GDPD2: variants seen among roughly 807,000 people sequenced by gnomAD.
The protein encoded by GDPD2 is glycerophosphodiester phosphodiesterase 3.
In GDPD2, 23 loss-of-function variants were observed where a neutral mutation model predicts 49.2. That is an observed-to-expected ratio of 0.47 (90% confidence interval 0.34 to 0.66). The LOEUF (loss-of-function observed/expected upper bound fraction) is 0.66. Ranked by LOEUF, GDPD2 falls within the 30% of genes least tolerant of loss-of-function variation. The pLI is 0.01. For missense variants in GDPD2, 338 were observed against 424.7 expected, an observed-to-expected ratio of 0.80 and a Z score of 1.79; for synonymous variants, 167 against 171.4, an observed-to-expected ratio of 0.97 and a Z score of 0.20.
At chrX:70,429,459 C>A (rs1484132149) in intron 10 of GDPD2, 34 bp from the exon 11 acceptor site, 2 of 974,459 alleles carry the variant, frequency 2.1e-6, no homozygotes, top group Admixed American at 4.8e-5. Flanking sequence ...CTGGAAGCCT[C>A]TTCTGGTCTT....
intron 10 of GDPD2, among the ~76,000 whole-genome samples, chrX:70,428,382 TA>T (rs1002579439): frequency 1.8e-5 from 2 of 112,177 alleles, no homozygotes; most frequent in Non-Finnish European, 3.8e-5. Context: ...TAAGCTAGGA[TA>T]TTCAGTAGGT....
At chrX:70,430,952 A>ATT (rs557583589) in intron 12 of GDPD2, 754 of 374,608 alleles carry the variant, frequency 2.0e-3, no homozygotes, top group South Asian at 3.4e-3. Flanking sequence ...ATGCAAGGCT[A>ATT]TTTTTTTTTT....
At chrX:70,432,018 G>A (rs1196916594) in intron 12 of GDPD2, among the ~76,000 whole-genome samples, 1 of 112,502 alleles carries the variant, frequency 8.9e-6, no homozygotes, top group East Asian at 2.8e-4. Context: ...GGGCTGTGGG[G>A]CCTAGAGAAG....
At chrX:70,426,283 C>A in intron 5 of GDPD2, 88 bp from the exon 6 acceptor site, 1 of 841,001 alleles carries the variant, frequency 1.2e-6, no homozygotes, top group African/African-American at 2.0e-5. Flanking sequence ...AGGGAAGGGT[C>A]GGGTCCCATC....
At chrX:70,430,123 C>A in intron 12 of GDPD2, 60 bp downstream of exon 12, 1 of 1,014,880 alleles carries the variant, frequency 9.9e-7, no homozygotes, top group Non-Finnish European at 1.4e-6. Context: ...AGGGAAGAAC[C>A]AGTTCAGGGA....
At chrX:70,427,037 G>A in intron 8 of GDPD2, 26 bp downstream of exon 8, 13 of 1,187,085 alleles carry the variant, frequency 1.1e-5, no homozygotes, top group Non-Finnish European at 1.5e-5. Context: ...AATGCTGGGA[G>A]GGTGGGGAGG....
Position 70,426,404 on chromosome X carries a change from G to C in GDPD2, c.397G>C (p.Ala133Pro). The change falls in exon 6 of 16, where the codon GCT becomes CCT. Residue 133 changes from alanine to proline, a missense_variant. By Grantham distance (27) the Ala-to-Pro change is conservative. This residue lies in a region of GDPD2 where 253 missense variants were observed against 330.4 expected (regional missense o/e 0.77). Coordinates refer to ENST00000374382, the MANE Select transcript of GDPD2 (RefSeq NM_017711.4). Reference protein sequence around the residue: ...LLLLIMLLVAAGLVGLDIQWQ... With the variant: ...LLLLIMLLVAPGLVGLDIQWQ... ...GCTCCTCATTATGCTGCTTGTGGCGGCTGGCCTTGTGGGACTGGACATCCA... is the reference window on the plus strand; with the variant it reads ...GCTCCTCATTATGCTGCTTGTGGCGCCTGGCCTTGTGGGACTGGACATCCA... 1 of 1,211,589 alleles carries C rather than the reference G, an allele frequency of 8.3e-7. No homozygotes were observed. The highest frequency in any genetic ancestry group is 1.1e-6 in the Non-Finnish European group (1 of 895,226).
Position 70,432,308 on chromosome X carries a change from G to T in GDPD2, c.1309G>T (p.Ala437Ser). ...CTATTTTCTTTCCCACCTTCACAGG[G>T]CATTGCATAAGGATAATGTCTCGGT... ...YQDLPLLDIK[A>S]LHKDNVSVNL... is the part of the protein sequence containing the mutation. The change falls in exon 13 of 16, where the codon GCA becomes TCA. Residue 437 changes from alanine (A) to serine (S), a missense_variant and splice_region_variant. Ala to Ser is a moderately conservative substitution (Grantham distance 99). Coordinates refer to ENST00000374382, the MANE Select transcript of GDPD2 (RefSeq NM_017711.4). 1 of 1,204,995 alleles carries T rather than the reference G, an allele frequency of 8.3e-7. No homozygotes were observed.
At chrX:70,428,971 C>T (rs1431899922) in intron 10 of GDPD2, among the ~76,000 whole-genome samples, 2 of 111,807 alleles carry the variant, frequency 1.8e-5, no homozygotes, top group African/African-American at 3.3e-5. Flanking sequence ...TGTTAAGCAG[C>T]GCTGAGAGCG....
At position 70,432,606 on chromosome X, in the gene GDPD2, G is replaced by T; in HGVS notation, c.1483G>T (p.Val495Phe). 8.3e-7 allele frequency: 1 copy of T among 1,204,280 alleles called. No individual in the cohort carries two copies. The change falls in exon 14 of 16, where the codon GTC (valine) becomes TTC (phenylalanine). Residue 495 changes from valine (V) to phenylalanine (F), a missense_variant. Physicochemically the swap from Val to Phe is conservative, Grantham distance 50. Coordinates refer to ENST00000374382, the MANE Select transcript of GDPD2 (RefSeq NM_017711.4). ...ITPQTYLIIW[V>F]ITNCVSTMLL... ...CCCTCAAACCTACCTAATCATATGG[G>T]TCATTACCAATTGTGTTTCCACCAT...
At position 70,427,030 on chromosome X, in the gene GDPD2, G is replaced by C; in HGVS notation, c.702+19G>C. On this transcript the variant is annotated intron_variant, in intron 8 of 15. Coordinates refer to ENST00000374382, the MANE Select transcript of GDPD2 (RefSeq NM_017711.4). ...CCCCATGGTGAGTGTTGGACAGAAT[G>C]CTGGGAGGGTGGGGAGGGTCTGCTC... is the stretch of plus-strand genomic sequence containing the variant. The C allele has an allele frequency of 8.3e-7, 1 of 1,201,793 alleles. No individual in the cohort carries two copies. Among genetic ancestry groups the C allele is most frequent in the Non-Finnish European group, 1.1e-6 (1 of 888,297 alleles).
intron 10 of GDPD2, among the ~76,000 whole-genome samples, chrX:70,429,123 A>G (rs1222829153): frequency 8.9e-6 from 1 of 111,769 alleles, no homozygotes; most frequent in African/African-American, 3.3e-5. Context: ...GTGGGACAGA[A>G]AGGGAGCTGA....
chrX:70,429,340 C>T (rs867561291), intron 10 of GDPD2, among the ~76,000 whole-genome samples, 153 bp from the exon 11 acceptor site: 2 of 110,905 alleles, frequency 1.8e-5, no homozygotes, highest in African/African-American at 6.6e-5. Context: ...AGATGGTAGA[C>T]GGTCTGGAAG....
At chrX:70,431,117 A>G (rs1453170575) in intron 12 of GDPD2, 1 of 1,146,369 alleles carries the variant, frequency 8.7e-7, no homozygotes, top group Non-Finnish European at 1.2e-6. Context: ...GAGCTATCTC[A>G]CCTAGCTATG....
chrX:70,425,219 T>A, intron 2 of GDPD2, 130 bp downstream of exon 2: 2 of 659,833 alleles, frequency 3.0e-6, no homozygotes, highest in Non-Finnish European at 4.9e-6. Context: ...AAAATCTCCC[T>A]CAAATATGGA....
rs2086412410 is a variant in GDPD2 at position 70,425,425 on chromosome X, C to T, written c.177C>T (p.Leu59=). ...CCCTGAGCTGGCTGTACATCGGGCT[C>T]GTCCTTCTCAATGACCTGCACAACT... is the stretch of plus-strand genomic sequence containing the variant. ...LLSLSWLYIG[L]VLLNDLHNFN... is the part of the protein sequence containing the mutation. The change falls in exon 3 of 16, where the codon CTC becomes CTT. Residue 59 remains leucine, a synonymous_variant. Transcript: ENST00000374382. The T allele has an allele frequency of 1.1e-5, 13 of 1,195,727 alleles. No homozygotes were observed. The highest frequency in any genetic ancestry group is 7.1e-5 in the South Asian group (4 of 56,552).
chrX:70,427,250 G>A lies in GDPD2; in HGVS notation c.785+31G>A, dbSNP rs1602835918. 3.3e-6 allele frequency: 4 copies of A among 1,196,669 alleles called. No individual in the cohort carries two copies. In the African/African-American group the frequency reaches 5.3e-5, roughly 16 times the overall value. On this transcript the variant is annotated intron_variant, in intron 9 of 15. Coordinates refer to ENST00000374382, the MANE Select transcript of GDPD2 (RefSeq NM_017711.4). ...GGAAGCTGGGGCTTAGGGGATCTGG[G>A]GGGCTGAAGGACATGATGACCAGCC...
rs1418633774 is a variant in GDPD2, at chrX:70,426,927, C to G, written c.618C>G (p.Pro206=). Residue 206 remains proline, a synonymous_variant, in exon 8 of 16, where the codon CCC becomes CCG. Transcript: ENST00000374382. ...TTGTCCTGGTCATCTACTTGGCCCC[C>G]CTATGCATCTCCTCACCCTGCATCA... ...FGVVLVIYLA[P]LCISSPCIME... 8.3e-7 allele frequency: 1 copy of G among 1,207,277 alleles called. No individual in the cohort carries two copies. The highest frequency in any genetic ancestry group is 1.1e-6 in the Non-Finnish European group (1 of 891,353).
chrX:70,431,389 T>C (rs1180816355), intron 12 of GDPD2, among the ~76,000 whole-genome samples: 1 of 112,641 alleles, frequency 8.9e-6, no homozygotes, highest in Non-Finnish European at 1.9e-5. Context: ...CCCAAAAGAA[T>C]TTCAGTTGCA....
Sources: gnomAD v4.1 joint callset for allele counts (sites outside exome capture counted in the v4.1 genomes callset) on GRCh38, gnomAD v4.1.1 for gene constraint, gnomAD v4.1.1 regional missense constraint, MANE v1.5 for transcripts, NCBI Gene and HGNC (gene_info 2026-07-23, HGNC 2026-07-21) for gene names.